Variants in PRH1 observed in about 807,000 individuals in gnomAD.
PRH1 encodes proline rich protein HaeIII subfamily 1, also known as salivary acidic proline-rich phosphoprotein 1/2.
Under a neutral mutation model 7.9 loss-of-function variants are expected in PRH1, and 7 were observed. That is an observed-to-expected ratio of 0.89 (90% CI 0.50 to 1.67). The LOEUF is 1.67. PRH1 is among the 40% of genes most tolerant of loss of function. The pLI is 0.00. For synonymous variants in PRH1, 45 were observed against 80.8 expected (o/e 0.56, Z 2.38); for missense variants, 109 against 223.6 (o/e 0.49, Z 3.27).
chr12:10,914,581 G>T (rs367939046), intron 2 of PRH1, among the ~76,000 whole-genome samples: 1 of 152,120 alleles, frequency 6.6e-6, no homozygotes, highest in East Asian at 1.9e-4. Context: ...TTGTTGTTTT[G>T]TAGAGTCTTT....
intron 1 of PRH1, among the ~76,000 whole-genome samples, chr12:11,167,173 C>A (rs971310039): frequency 6.6e-6 from 1 of 152,166 alleles, no homozygotes; most frequent in African/African-American, 2.4e-5. Context: ...TACCGTGTAC[C>A]ATAAAGGAAC....
At chr12:11,031,161 G>C (rs753650026) in intron 1 of PRH1, 6 of 1,614,206 alleles carry the variant, frequency 3.7e-6, no homozygotes, top group Non-Finnish European at 5.1e-6. Context: ...AATACCCAGA[G>C]CAAACCAACT....
intron 1 of PRH1, among the ~76,000 whole-genome samples, chr12:11,098,937 T>C (rs1196445103): frequency 6.6e-6 from 1 of 152,190 alleles, no homozygotes; most frequent in Non-Finnish European, 1.5e-5. Flanking sequence ...AGCCCTATTT[T>C]CCCACTCAAG....
At chr12:11,040,254 T>G (rs974565792) in intron 1 of PRH1, among the ~76,000 whole-genome samples, 1 of 152,234 alleles carries the variant, frequency 6.6e-6, no homozygotes, top group Non-Finnish European at 1.5e-5. Flanking sequence ...TCTTTTCCAT[T>G]TAAAAAGTAT....
In PRH1 at chr12:10,881,071, C is replaced by T; in HGVS notation, c.*19-15G>A. ...TTATTCACTTCCTGAAAAAGACAAGCAAACAAGGAAGATTACAGACAACAC... is the reference window on the plus strand; with the variant it reads ...TTATTCACTTCCTGAAAAAGACAAGTAAACAAGGAAGATTACAGACAACAC... On this transcript the variant is annotated splice_polypyrimidine_tract_variant and intron_variant, in intron 3 of 3. Coordinates refer to ENST00000543626, the MANE Select transcript of PRH1 (RefSeq NM_001393989.1). The T allele has an allele frequency of 5.3e-6, 1 of 190,402 alleles. No individual in the cohort carries two copies. Among genetic ancestry groups the T allele is most frequent in the Non-Finnish European group, 1.2e-5 (1 of 82,464 alleles). 11.8% of individuals were successfully genotyped at this position (190,402 alleles called of 1,614,324 possible). A position where few individuals can be genotyped will look rare whatever the true frequency, so the allele number is the denominator to read the frequency against.
chr12:11,038,986 T>A (rs1392384850), intron 1 of PRH1, among the ~76,000 whole-genome samples: 1 of 152,234 alleles, frequency 6.6e-6, no homozygotes, highest in Non-Finnish European at 1.5e-5. Context: ...AATCAATCAT[T>A]ATGTCAAATG....
At chr12:10,940,474 T>C (rs3916060) in intron 2 of PRH1, among the ~76,000 whole-genome samples, 9,982 of 152,300 alleles carry the variant, frequency 0.066, 598 homozygotes, top group East Asian at 0.25. Context: ...TATTGTCTCA[T>C]AAAGCAGTCA....
chr12:11,079,072 T>G (rs1459790127), intron 1 of PRH1: 2 of 150,146 alleles, frequency 1.3e-5, no homozygotes, highest in South Asian at 4.2e-4. Flanking sequence ...ATGTTTCTCA[T>G]GCTTAGGCCA....
intron 2 of PRH1, chr12:10,938,274 C>G: frequency 6.3e-7 from 1 of 1,593,418 alleles, no homozygotes; most frequent in Non-Finnish European, 8.5e-7. Context: ...TCTCTAAATT[C>G]TTTGTGACCT....
At chr12:10,889,617 C>T (rs1416315932) in intron 2 of PRH1, among the ~76,000 whole-genome samples, 1 of 152,128 alleles carries the variant, frequency 6.6e-6, no homozygotes, top group Non-Finnish European at 1.5e-5. Context: ...TCAACCTCTT[C>T]TGCTTTTCTG....
At chr12:11,071,801 G>C (rs1440820531) in intron 1 of PRH1, among the ~76,000 whole-genome samples, 11 of 152,132 alleles carry the variant, frequency 7.2e-5, no homozygotes, top group Admixed American at 2.0e-4. Context: ...CATTGAGTCA[G>C]GGTCTGCTGG....
chr12:11,009,065 T>A (rs936635769), intron 1 of PRH1, among the ~76,000 whole-genome samples: 1 of 151,990 alleles, frequency 6.6e-6, no homozygotes, highest in Non-Finnish European at 1.5e-5. Context: ...AAACATTCAC[T>A]TATAATTATG....
chr12:10,922,973 C>T (rs1410628384), intron 2 of PRH1, among the ~76,000 whole-genome samples: 5 of 149,698 alleles, frequency 3.3e-5, no homozygotes, highest in East Asian at 2.0e-4. Context: ...GGACTACAGG[C>T]GCCCGCCACC....
At chr12:11,045,317 C>CA (rs34515459) in intron 1 of PRH1, among the ~76,000 whole-genome samples, 98,981 of 138,644 alleles carry the variant, frequency 0.71, 34,450 homozygotes, top group South Asian at 0.78. Context: ...TAATGGTTAC[C>CA]AAAAAAAAAA....
intron 1 of PRH1, among the ~76,000 whole-genome samples, chr12:11,129,358 C>T (rs1402180451): frequency 6.6e-6 from 1 of 152,284 alleles, no homozygotes; most frequent in Non-Finnish European, 1.5e-5. Context: ...TCACATTCTT[C>T]GTGAACTGTA....
At chr12:10,990,104 T>A (rs770287392) in intron 1 of PRH1, among the ~76,000 whole-genome samples, 1 of 152,168 alleles carries the variant, frequency 6.6e-6, no homozygotes, top group Non-Finnish European at 1.5e-5. Flanking sequence ...CAAAACAGCA[T>A]GGTACTGGCA....
At chr12:11,119,905 A>C (rs1175661142), downstream of PRH1, among the ~76,000 whole-genome samples, 1 of 152,234 alleles carries the variant, frequency 6.6e-6, no homozygotes, top group Non-Finnish European at 1.5e-5. Flanking sequence ...TGTAACTTTT[A>C]TATTTTATGG....
intron 1 of PRH1, among the ~76,000 whole-genome samples, chr12:11,040,927 T>C (rs1376916607): frequency 6.6e-6 from 1 of 151,788 alleles, no homozygotes; most frequent in Non-Finnish European, 1.5e-5. Flanking sequence ...CTCATGGTAA[T>C]CTCAAACCTA....
At chr12:11,135,697 A>T (rs1224483736) in intron 1 of PRH1, among the ~76,000 whole-genome samples, 1 of 152,168 alleles carries the variant, frequency 6.6e-6, no homozygotes, top group African/African-American at 2.4e-5. Flanking sequence ...GGGGAACGGC[A>T]AAGATTTGTT....
Sources: gnomAD v4.1 joint callset for allele counts (sites outside exome capture counted in the v4.1 genomes callset) on GRCh38, gnomAD v4.1.1 for gene constraint, MANE v1.5 for transcripts, NCBI Gene and HGNC (gene_info 2026-07-23, HGNC 2026-07-21) for gene names.